Variants in FAM117B observed in about 807,000 individuals in gnomAD.
The protein encoded by FAM117B is protein FAM117B.
Under a neutral mutation model 52.8 loss-of-function variants are expected in FAM117B, and 22 were observed. The ratio of observed to expected loss-of-function variants is 0.42; its 90% CI spans 0.30 to 0.59. The LOEUF is 0.59. Among genes scored for constraint, FAM117B ranks in the 20% least tolerant of loss-of-function variants. FAM117B has a pLI of 0.22. For synonymous variants in FAM117B, 309 were observed against 324.1 expected, an observed-to-expected ratio of 0.95 and a Z score of 0.50; for missense variants, 678 against 802.6, an observed-to-expected ratio of 0.84 and a Z score of 1.88.
chr2:202,706,086 T>C (rs2105780447), intron 2 of FAM117B, among the ~76,000 whole-genome samples: 1 of 152,280 alleles, frequency 6.6e-6, no homozygotes, highest in South Asian at 2.1e-4. Flanking sequence ...TTCACAGGCA[T>C]AATCACCGTG....
intron 4 of FAM117B, among the ~76,000 whole-genome samples, chr2:202,746,234 G>A (rs978593361): frequency 2.0e-5 from 3 of 152,044 alleles, no homozygotes; most frequent in Non-Finnish European, 4.4e-5. Flanking sequence ...AAATATTGAA[G>A]TTATCAAGTA....
intron 1 of FAM117B, among the ~76,000 whole-genome samples, chr2:202,663,073 C>T (rs767603279): frequency 1.9e-4 from 29 of 152,308 alleles, no homozygotes; most frequent in Middle Eastern, 3.4e-3. Context: ...AGTTTTATAA[C>T]CTGCTCTTTC....
intron 4 of FAM117B, among the ~76,000 whole-genome samples, chr2:202,736,624 T>C (rs945535443): frequency 2.6e-5 from 4 of 151,954 alleles, no homozygotes; most frequent in Admixed American, 6.6e-5. Context: ...TAGCCAGGTG[T>C]GGTGGCACAT....
chr2:202,742,856 G>T (rs1334051675), intron 4 of FAM117B, among the ~76,000 whole-genome samples: 1 of 152,176 alleles, frequency 6.6e-6, no homozygotes, highest in African/African-American at 2.4e-5. Context: ...GCATAAGGAT[G>T]GCCCTTGCCT....
chr2:202,712,729 A>G lies in FAM117B; in HGVS notation c.754-12188A>G, dbSNP rs114792067. 8.5e-3 allele frequency among the ~76,000 whole-genome samples: 1,294 copies of G among 152,098 alleles called. 22 individuals are homozygous for G. The highest frequency in any genetic ancestry group is 0.029 in the African/African-American group (1,222 of 41,500). ...TTATGTGGAGATATGTTCCTTCTGT[A>G]CCCAGTTTTTTGAAGGTTTTTATCA... On this transcript the variant is annotated intron_variant, in intron 2 of 7. Transcript: ENST00000392238.
intron 5 of FAM117B, among the ~76,000 whole-genome samples, chr2:202,756,886 C>T (rs1169726483): frequency 6.6e-6 from 1 of 152,122 alleles, no homozygotes; most frequent in South Asian, 2.1e-4. Context: ...CCTAGTGTTA[C>T]ACCTAGATTT....
chr2:202,661,270 A>G (rs1272094829), intron 1 of FAM117B, among the ~76,000 whole-genome samples: 1 of 152,226 alleles, frequency 6.6e-6, no homozygotes, highest in Admixed American at 6.5e-5. Flanking sequence ...CATCTTAGCC[A>G]GAACTGTAGG....
intron 1 of FAM117B, among the ~76,000 whole-genome samples, chr2:202,646,625 G>A (rs1689868235): frequency 6.6e-6 from 1 of 152,190 alleles, no homozygotes; most frequent in Non-Finnish European, 1.5e-5. Context: ...TTGTCACCAG[G>A]AAGTTGAGAT....
chr2:202,762,172 CT>C (rs1441998993), intron 7 of FAM117B, among the ~76,000 whole-genome samples: 1 of 152,168 alleles, frequency 6.6e-6, no homozygotes, highest in Non-Finnish European at 1.5e-5. Context: ...TTTAGCCATT[CT>C]TTTAAGAATA....
At chr2:202,682,947 G>T (rs772783977) in intron 1 of FAM117B, among the ~76,000 whole-genome samples, 19 of 152,148 alleles carry the variant, frequency 1.2e-4, no homozygotes, top group Non-Finnish European at 2.8e-4. Flanking sequence ...AATAATTTAA[G>T]CACCTACCTT....
chr2:202,679,939 T>C (rs1666720280), intron 1 of FAM117B, among the ~76,000 whole-genome samples: 1 of 152,150 alleles, frequency 6.6e-6, no homozygotes, highest in African/African-American at 2.4e-5. Context: ...AAAACTGGCA[T>C]TATAAATATG....
At chr2:202,733,706 GT>G (rs1274473832) in intron 4 of FAM117B, among the ~76,000 whole-genome samples, 2 of 152,100 alleles carry the variant, frequency 1.3e-5, no homozygotes, top group Admixed American at 1.3e-4. Context: ...TAAAATCGCT[GT>G]TATTCTGTTC....
intron 3 of FAM117B, among the ~76,000 whole-genome samples, chr2:202,725,860 T>A (rs570322630): frequency 9.8e-5 from 15 of 152,364 alleles, no homozygotes; most frequent in Admixed American, 5.2e-4. Context: ...GAGTTGATTT[T>A]TAAATACTGT....
At chr2:202,691,428 G>T (rs896718189) in intron 1 of FAM117B, among the ~76,000 whole-genome samples, 1 of 151,638 alleles carries the variant, frequency 6.6e-6, no homozygotes. Context: ...CCCCAAAAAA[G>T]AAATAATAAT....
chr2:202,635,324 A>T lies in FAM117B; in HGVS notation c.137A>T (p.Gln46Leu). 1 of 1,415,992 alleles carries T rather than the reference A, an allele frequency of 7.1e-7. No individual in the cohort carries two copies. 87.7% of individuals were successfully genotyped at this position (1,415,992 alleles called of 1,614,324 possible). The stretch of plus-strand genomic sequence containing the variant: ...ACGGTTCCGTTCCAGCTGAAGCAGC[A>T]GCAGCAGCAGCAACATGGCAGCCCC... ...RATVPFQLKQQQQQQHGSPTR... is the reference protein window; with the variant it reads ...RATVPFQLKQLQQQQHGSPTR... Residue 46 changes from glutamine to leucine, a missense_variant, in exon 1 of 8, where the codon CAG (glutamine) becomes CTG (leucine). Physicochemically the swap from Gln to Leu is moderately radical, Grantham distance 113. This residue lies in a region of FAM117B where 583 missense variants were observed against 644.8 expected (regional missense o/e 0.90). Coordinates refer to ENST00000392238, the MANE Select transcript of FAM117B (RefSeq NM_173511.4).
At chr2:202,649,085 G>A (rs552527890) in intron 1 of FAM117B, among the ~76,000 whole-genome samples, 1 of 152,294 alleles carries the variant, frequency 6.6e-6, no homozygotes, top group East Asian at 1.9e-4. Flanking sequence ...TTTTGGGTCA[G>A]AAGGGCGTGC....
At chr2:202,690,734 G>C (rs1250138726) in intron 1 of FAM117B, among the ~76,000 whole-genome samples, 1 of 152,164 alleles carries the variant, frequency 6.6e-6, no homozygotes, top group African/African-American at 2.4e-5. Context: ...AAAAAGTGAG[G>C]CTTCAGAGGC....
chr2:202,759,514 C>T (rs1444537994), intron 7 of FAM117B, among the ~76,000 whole-genome samples, 161 bp downstream of exon 7: 1 of 152,046 alleles, frequency 6.6e-6, no homozygotes, highest in East Asian at 1.9e-4. Flanking sequence ...ACCTCAACCT[C>T]CCAAGTAGCT....
At chr2:202,727,421 C>T (rs1347463826) in intron 4 of FAM117B, among the ~76,000 whole-genome samples, 1 of 152,062 alleles carries the variant, frequency 6.6e-6, no homozygotes, top group African/African-American at 2.4e-5. Flanking sequence ...ATACATTTGA[C>T]TCTCTATATC....
Sources: gnomAD v4.1 joint callset for allele counts (sites outside exome capture counted in the v4.1 genomes callset) on GRCh38, gnomAD v4.1.1 for gene constraint, gnomAD v4.1.1 regional missense constraint, MANE v1.5 for transcripts, NCBI Gene and HGNC (gene_info 2026-07-23, HGNC 2026-07-21) for gene names.